The following PRH1 variants were observed in gnomAD, a reference collection of about 807,000 sequenced individuals.
The protein encoded by PRH1 is salivary acidic proline-rich phosphoprotein 1/2.
PRH1 carries 7 observed loss-of-function variants against 7.9 expected under a neutral mutation model. The ratio of observed to expected loss-of-function variants is 0.89; its 90% CI spans 0.50 to 1.67. The LOEUF (loss-of-function observed/expected upper bound fraction) is 1.67. Among genes scored for constraint, PRH1 ranks in the 40% most tolerant of loss-of-function variants. PRH1 has a pLI of 0.00. For synonymous variants in PRH1, 45 were observed against 80.8 expected (o/e 0.56, Z 2.38); for missense variants, 109 against 223.6 (o/e 0.49, Z 3.27).
At chr12:11,027,411 T>C (rs1001765581) in intron 1 of PRH1, among the ~76,000 whole-genome samples, 5 of 151,708 alleles carry the variant, frequency 3.3e-5, no homozygotes, top group African/African-American at 9.7e-5. Flanking sequence ...TTCAGGGACC[T>C]ACAGCATAGG....
chr12:11,166,487 G>C (rs1947589084), intron 1 of PRH1: 1 of 152,206 alleles, frequency 6.6e-6, no homozygotes, highest in African/African-American at 2.4e-5. Context: ...CCCAATATCA[G>C]AGTAGGGTCC....
At chr12:10,949,012 C>A (rs1950530108) in intron 2 of PRH1, among the ~76,000 whole-genome samples, 1 of 152,166 alleles carries the variant, frequency 6.6e-6, no homozygotes, top group Non-Finnish European at 1.5e-5. Context: ...GCCATGTTCC[C>A]TCTCAGTGTT....
chr12:10,974,854 G>T (rs987313759), intron 1 of PRH1, among the ~76,000 whole-genome samples: 7 of 152,166 alleles, frequency 4.6e-5, no homozygotes, highest in Non-Finnish European at 8.8e-5. Flanking sequence ...AGATCAATGA[G>T]ATTCAGGAGA....
intron 1 of PRH1, among the ~76,000 whole-genome samples, chr12:11,038,776 T>A (rs1160728940): frequency 1.9e-5 from 2 of 103,520 alleles, no homozygotes; most frequent in Non-Finnish European, 4.5e-5. Context: ...GATAAGAGTA[T>A]AAATGCTGGG....
chr12:11,165,796 C>A (rs2136465970), intron 1 of PRH1, among the ~76,000 whole-genome samples: 1 of 152,304 alleles, frequency 6.6e-6, no homozygotes, highest in African/African-American at 2.4e-5. Context: ...ATGCCAGTAA[C>A]TTGTGTTTTG....
At chr12:10,943,570 G>A (rs1187730470) in intron 2 of PRH1, among the ~76,000 whole-genome samples, 2 of 152,072 alleles carry the variant, frequency 1.3e-5, no homozygotes, top group Non-Finnish European at 2.9e-5. Flanking sequence ...GGGCTCTTAA[G>A]TTTAATAGGA....
downstream of PRH1, among the ~76,000 whole-genome samples, chr12:11,119,283 G>T (rs1303360064): frequency 6.7e-6 from 1 of 148,692 alleles, no homozygotes; most frequent in Non-Finnish European, 1.5e-5. Context: ...GGTAGTGGGG[G>T]CTAAAGGGAA....
intron 1 of PRH1, among the ~76,000 whole-genome samples, chr12:11,109,575 G>C (rs1945528856): frequency 6.6e-6 from 1 of 152,106 alleles, no homozygotes; most frequent in Non-Finnish European, 1.5e-5. Context: ...TGCAGCAGAG[G>C]ACCCTGACTG....
At chr12:11,171,158 G>A (rs892873265) in intron 1 of PRH1, 3 of 395,470 alleles carry the variant, frequency 7.6e-6, no homozygotes, top group Non-Finnish European at 1.3e-5. Context: ...ACAGTGAGAA[G>A]CAGACAGGAA....
chr12:10,931,162 A>T, intron 2 of PRH1: 2 of 1,573,772 alleles, frequency 1.3e-6, no homozygotes, highest in Admixed American at 3.7e-5. Context: ...TCTATTGAAA[A>T]GCTGTTAATA....
intron 2 of PRH1, chr12:10,932,278 C>A (rs1950224948): frequency 7.3e-6 from 3 of 411,252 alleles, no homozygotes; most frequent in South Asian, 3.3e-5. Flanking sequence ...ATAATGTGAT[C>A]ATGCTCTAAC....
At chr12:11,112,445 C>T (rs1052904682) in intron 1 of PRH1, among the ~76,000 whole-genome samples, 1 of 152,086 alleles carries the variant, frequency 6.6e-6, no homozygotes, top group Non-Finnish European at 1.5e-5. Flanking sequence ...TATAAAAAGG[C>T]TTATCCACCA....
At chr12:11,025,857 G>C (rs1189846801) in intron 1 of PRH1, among the ~76,000 whole-genome samples, 2 of 152,282 alleles carry the variant, frequency 1.3e-5, no homozygotes, top group African/African-American at 4.8e-5. Context: ...TATTGTTTTA[G>C]TGTTCAGAAT....
At chr12:10,993,083 G>A (rs1940021925) in intron 1 of PRH1, among the ~76,000 whole-genome samples, 1 of 152,204 alleles carries the variant, frequency 6.6e-6, no homozygotes, top group African/African-American at 2.4e-5. Context: ...AAAGCCAGAT[G>A]GATTATCAGA....
In PRH1 at chr12:11,030,167, TG is replaced by T. The variant is rs548012319; in HGVS notation, c.-126+16852del. Among the ~76,000 whole-genome samples the T allele has an allele frequency of 3.9e-3, 587 of 151,352 alleles. 4 individuals carry two copies. Among genetic ancestry groups the T allele is most frequent in the African/African-American group, 0.014 (564 of 41,472 alleles). On this transcript the variant is annotated intron_variant, in intron 1 of 3. Coordinates refer to the PRH1 transcript ENST00000539853. ...ATTTTGTATAATTTGGCAGTTTGTA[TG>T]AAAAAAACAGAAAAGAGCATGTTAT...
At chr12:11,028,596 T>G (rs1942033127) in intron 1 of PRH1, among the ~76,000 whole-genome samples, 1 of 152,280 alleles carries the variant, frequency 6.6e-6, no homozygotes, top group Non-Finnish European at 1.5e-5. Context: ...ACTCAATTTT[T>G]TGAAATGAAA....
intron 1 of PRH1, among the ~76,000 whole-genome samples, chr12:11,127,932 T>C (rs2600365): frequency 0.98 from 149,187 of 152,088 alleles, 73,217 homozygotes; most frequent in Middle Eastern, 1. Flanking sequence ...CGGTGAAACC[T>C]CGTCTCTACT....
chr12:11,132,091 T>G (rs971238758), intron 1 of PRH1, among the ~76,000 whole-genome samples: 6 of 152,248 alleles, frequency 3.9e-5, no homozygotes, highest in African/African-American at 1.4e-4. Context: ...TGTTAAAATT[T>G]CATAACACCA....
At chr12:11,058,953 C>T (rs768873396) in intron 1 of PRH1, among the ~76,000 whole-genome samples, 1 of 152,170 alleles carries the variant, frequency 6.6e-6, no homozygotes, top group Non-Finnish European at 1.5e-5. Context: ...TTCCCCTGGC[C>T]AGCACCTTGC....
Sources: gnomAD v4.1 joint callset for allele counts (sites outside exome capture counted in the v4.1 genomes callset) on GRCh38, gnomAD v4.1.1 for gene constraint, MANE v1.5 for transcripts, NCBI Gene and HGNC (gene_info 2026-07-23, HGNC 2026-07-21) for gene names.